Variants in WBP1L observed in about 807,000 individuals in gnomAD.
WBP1L encodes the protein WW domain binding protein 1-like.
Under a neutral mutation model 33.7 loss-of-function variants are expected in WBP1L, and 17 were observed. The ratio of observed to expected loss-of-function variants is 0.50; its 90% CI spans 0.34 to 0.76. WBP1L has a LOEUF of 0.76. Ranked by LOEUF, WBP1L falls within the 30% of genes least tolerant of loss-of-function variation. The probability of loss-of-function intolerance (pLI) is 0.01; values close to 1 mark genes in which losing one functional copy is unlikely to be tolerated. For synonymous variants in WBP1L, 173 were observed against 190.8 expected (o/e 0.91, Z 0.77); for missense variants, 389 against 469.4 (o/e 0.83, Z 1.58).
rs188230061 is a variant in WBP1L, at chr10:102,800,678, T to C, written c.193+2583T>C. On this transcript the variant is annotated intron_variant, in intron 2 of 3. Transcript: ENST00000448841. Reference sequence around the variant, plus strand: ...ACGCCCTTCTCAGGAAGTCCTCCGATCTCCCTCTTTATTGAGGTCATGGCT... The same window carrying C: ...ACGCCCTTCTCAGGAAGTCCTCCGACCTCCCTCTTTATTGAGGTCATGGCT... Among the ~76,000 whole-genome samples, 308 of 152,284 alleles carry C rather than the reference T, an allele frequency of 2.0e-3. 1 individual carries two copies. The Middle Eastern group carries it at 0.024, about 12-fold the overall frequency.
Position 102,787,972 on chromosome 10 carries a change from G to A in WBP1L, c.91-10021G>A, listed in dbSNP as rs1422406577. Among the ~76,000 whole-genome samples, 5 of 150,706 alleles carry A rather than the reference G, an allele frequency of 3.3e-5. No individual in the cohort carries two copies. The East Asian group carries it at 6.1e-4, about 18-fold the overall frequency. The stretch of plus-strand genomic sequence containing the variant: ...TGCACGCCTGATGTCCCAGCTACTC[G>A]GGAGGCTGAGGCAGGAGAATCACTG... On this transcript the variant is annotated intron_variant, in intron 1 of 3. Transcript: ENST00000448841.
rs1455317977 is a variant in WBP1L, at chr10:102,813,073, C to T, written c.834C>T (p.Cys278=). 2 of 1,613,818 alleles carry T rather than the reference C, an allele frequency of 1.2e-6. No individual in the cohort carries two copies. The highest frequency in any genetic ancestry group is 1.7e-6 in the Non-Finnish European group (2 of 1,180,030). The change falls in exon 4 of 4, where the codon TGC becomes TGT. Residue 278 remains cysteine (C), a synonymous_variant. Transcript: ENST00000448841. ...ACTCGGGCATTGAAGTGTGTGTGTG[C>T]AACCGGGGCCACCATGACGATGACC... ...TGDSGIEVCV[C]NRGHHDDDLK...
intron 2 of WBP1L, among the ~76,000 whole-genome samples, chr10:102,805,545 G>A (rs1217217958): frequency 6.6e-6 from 1 of 151,868 alleles, no homozygotes; most frequent in Non-Finnish European, 1.5e-5. Flanking sequence ...TTTTAGTTGT[G>A]AGCCACTGCG....
At chr10:102,776,564 C>T in intron 1 of WBP1L, 1 of 1,087,908 alleles carries the variant, frequency 9.2e-7, no homozygotes, top group Non-Finnish European at 1.4e-6. Context: ...TCCAGTCTCC[C>T]TTCTTGTTTG....
intron 2 of WBP1L, among the ~76,000 whole-genome samples, chr10:102,801,735 A>T (rs1304961940): frequency 1.4e-4 from 21 of 152,114 alleles, no homozygotes; most frequent in African/African-American, 5.1e-4. Context: ...GGAGAGGGGT[A>T]TGTTTCTGGA....
intron 1 of WBP1L, among the ~76,000 whole-genome samples, chr10:102,760,820 C>G (rs1446819707): frequency 5.3e-5 from 8 of 152,300 alleles, no homozygotes; most frequent in African/African-American, 1.7e-4. Context: ...TCTGAACAGT[C>G]ACACAGTTAG....
At chr10:102,787,276 A>G (rs190437206) in intron 1 of WBP1L, among the ~76,000 whole-genome samples, 2 of 152,312 alleles carry the variant, frequency 1.3e-5, no homozygotes, top group African/African-American at 4.8e-5. Context: ...GTAGTACATG[A>G]CAACCCCACC....
At chr10:102,797,709 C>T (rs1318587080) in intron 1 of WBP1L, among the ~76,000 whole-genome samples, 2 of 152,008 alleles carry the variant, frequency 1.3e-5, no homozygotes, top group Non-Finnish European at 2.9e-5. Context: ...CGCACCACCA[C>T]GCCTGGCTAA....
At chr10:102,796,815 T>C (rs988399424) in intron 1 of WBP1L, among the ~76,000 whole-genome samples, 9 of 152,212 alleles carry the variant, frequency 5.9e-5, no homozygotes, top group Non-Finnish European at 1.0e-4. Flanking sequence ...AGCAGATGCC[T>C]TACAGGTTTC....
intron 1 of WBP1L, among the ~76,000 whole-genome samples, chr10:102,789,107 G>A (rs766804314): frequency 1.3e-5 from 2 of 151,974 alleles, no homozygotes; most frequent in East Asian, 1.9e-4. Context: ...CTACAGGTGC[G>A]CACAACCACG....
intron 3 of WBP1L, among the ~76,000 whole-genome samples, chr10:102,811,215 A>C (rs1590195788): frequency 6.6e-6 from 1 of 151,978 alleles, no homozygotes; most frequent in East Asian, 1.9e-4. Flanking sequence ...AGTCAGTTAT[A>C]ACGTGAGTGA....
intron 1 of WBP1L, among the ~76,000 whole-genome samples, chr10:102,755,133 A>G (rs961789250): frequency 1.3e-5 from 2 of 151,632 alleles, no homozygotes; most frequent in Non-Finnish European, 2.9e-5. Context: ...TATTTTAACT[A>G]GAGACGGGTT....
intron 2 of WBP1L, among the ~76,000 whole-genome samples, chr10:102,800,992 C>A (rs144137313): frequency 9.8e-4 from 149 of 152,290 alleles, no homozygotes; most frequent in African/African-American, 3.4e-3. Context: ...TCTACCCACC[C>A]TTTACCTCTA....
intron 1 of WBP1L, among the ~76,000 whole-genome samples, chr10:102,748,995 T>G (rs1485131382): frequency 6.6e-6 from 1 of 152,110 alleles, no homozygotes; most frequent in Non-Finnish European, 1.5e-5. Context: ...GCAGAAGCTT[T>G]GTGTGTGGAT....
chr10:102,786,532 G>A (rs1039819297), intron 1 of WBP1L, among the ~76,000 whole-genome samples: 1 of 152,158 alleles, frequency 6.6e-6, no homozygotes, highest in Non-Finnish European at 1.5e-5. Context: ...ATGATCTGGG[G>A]CCCATGGACC....
chr10:102,750,549 G>T (rs978935379), intron 1 of WBP1L, among the ~76,000 whole-genome samples: 3 of 150,846 alleles, frequency 2.0e-5, no homozygotes, highest in Non-Finnish European at 2.9e-5. Flanking sequence ...CTTTTGAAAC[G>T]GTGTCTTGCT....
chr10:102,808,675 A>G (rs932872587), intron 2 of WBP1L, among the ~76,000 whole-genome samples: 1 of 152,254 alleles, frequency 6.6e-6, no homozygotes, highest in Admixed American at 6.5e-5. Flanking sequence ...CTCTCTAGGG[A>G]GGAGATGGAC....
chr10:102,765,007 A>G (rs1314609816), intron 1 of WBP1L, among the ~76,000 whole-genome samples: 1 of 152,182 alleles, frequency 6.6e-6, no homozygotes, highest in Non-Finnish European at 1.5e-5. Context: ...CTCTGCTTTG[A>G]GAAAGGGAAT....
intron 2 of WBP1L, among the ~76,000 whole-genome samples, chr10:102,800,590 C>T (rs1024270549): frequency 6.6e-6 from 1 of 152,162 alleles, no homozygotes; most frequent in African/African-American, 2.4e-5. Flanking sequence ...AGAAAAGGTG[C>T]CCCGTTAAAT....
Sources: allele counts gnomAD v4.1 joint callset (sites outside exome capture counted in the v4.1 genomes callset), GRCh38; gene constraint gnomAD v4.1.1; transcripts MANE v1.5; gene names NCBI Gene and HGNC (gene_info 2026-07-23, HGNC 2026-07-21).